Variants in LIFR observed in about 807,000 individuals in gnomAD.
The protein encoded by LIFR is LIF receptor subunit alpha, also known as leukemia inhibitory factor receptor.
Under a neutral mutation model 122.2 loss-of-function variants are expected in LIFR, and 84 were observed. The observed-to-expected ratio is 0.69, with a 90% CI of 0.58 to 0.82. LIFR has a LOEUF of 0.82. Ranked by LOEUF, LIFR falls within the 40% of genes least tolerant of loss-of-function variation. LIFR has a pLI of 0.00. For missense variants in LIFR, 1,294 were observed against 1,311.6 expected, an observed-to-expected ratio of 0.99 and a Z score of 0.21; for synonymous variants, 422 against 434.7, an observed-to-expected ratio of 0.97 and a Z score of 0.36.
chr5:38,499,029 C>T (rs565630176), intron 12 of LIFR, among the ~76,000 whole-genome samples: 1 of 152,040 alleles, frequency 6.6e-6, no homozygotes, highest in South Asian at 2.1e-4. Flanking sequence ...AAAAATGTTC[C>T]AGCAGAGAAA....
At position 38,528,791 on chromosome 5, in the gene LIFR, G is replaced by A; in HGVS notation, c.192C>T (p.Asn64=). 6.3e-7 allele frequency: 1 copy of A among 1,595,028 alleles called. No individual in the cohort carries two copies. The highest frequency in any genetic ancestry group is 1.1e-5 in the South Asian group (1 of 87,982). Residue 64 remains asparagine (N), a synonymous_variant, in exon 3 of 20, where the codon AAC becomes AAT. Transcript: ENST00000453190. Reference sequence around the variant, plus strand: ...TTCCAGAGGGTGCTTTCCAAGAACAGTTCCACACTTGCAAATTGTTAGTTA... The same window carrying A: ...TTCCAGAGGGTGCTTTCCAAGAACAATTCCACACTTGCAAATTGTTAGTTA... ...KCVTNNLQVW[N]CSWKAPSGTG...
At chr5:38,549,572 C>G (rs1267983316) in intron 1 of LIFR, among the ~76,000 whole-genome samples, 1 of 152,162 alleles carries the variant, frequency 6.6e-6, no homozygotes, top group African/African-American at 2.4e-5. Flanking sequence ...GCAGGCGGAT[C>G]ACGAGGTCAG....
upstream of LIFR, among the ~76,000 whole-genome samples, chr5:38,595,683 T>A (rs1175462802): frequency 1.3e-5 from 2 of 150,654 alleles, no homozygotes; most frequent in Non-Finnish European, 3.0e-5. Context: ...ATGGGGCCAA[T>A]CTAACCTTCT....
At chr5:38,584,590 C>T (rs1208922817) in intron 1 of LIFR, among the ~76,000 whole-genome samples, 1 of 151,964 alleles carries the variant, frequency 6.6e-6, no homozygotes, top group African/African-American at 2.4e-5. Flanking sequence ...GTACACTATG[C>T]TCCGTGAGTA....
intron 13 of LIFR, among the ~76,000 whole-genome samples, chr5:38,495,848 C>T (rs1744848037): frequency 6.6e-6 from 1 of 152,188 alleles, no homozygotes; most frequent in South Asian, 2.1e-4. Context: ...TTAAAAACTA[C>T]ACCACAGTTG....
At chr5:38,569,769 CTCTA>C (rs1478378527) in intron 1 of LIFR, among the ~76,000 whole-genome samples, 9 of 152,314 alleles carry the variant, frequency 5.9e-5, no homozygotes, top group East Asian at 1.9e-4. Context: ...TGTCTTTCCA[CTCTA>C]TCTATTAAAA....
intron 5 of LIFR, among the ~76,000 whole-genome samples, chr5:38,515,675 T>C (rs933783559): frequency 2.0e-5 from 3 of 151,712 alleles, no homozygotes; most frequent in Non-Finnish European, 4.4e-5. Flanking sequence ...TATCAAGAAA[T>C]AGCAACATAA....
At chr5:38,521,821 A>G (rs1278822838) in intron 5 of LIFR, among the ~76,000 whole-genome samples, 3 of 152,086 alleles carry the variant, frequency 2.0e-5, no homozygotes, top group Non-Finnish European at 4.4e-5. Flanking sequence ...CTGTGGTGGT[A>G]GCAGCAGGGT....
Position 38,493,500 on chromosome 5 carries a change from A to G in LIFR, c.2065+106T>C. The stretch of plus-strand genomic sequence containing the variant: ...CCTCCCAGGAAAGTCAAACCTATTT[A>G]TACCCATCCAGCAGTAAAGAGAATC... On this transcript the variant is annotated intron_variant, in intron 14 of 19. Coordinates refer to ENST00000453190, the MANE Select transcript of LIFR (RefSeq NM_001127671.2). 4 of 1,088,388 alleles carry G rather than the reference A, an allele frequency of 3.7e-6. No homozygotes were observed. In the South Asian group the frequency reaches 3.8e-5, roughly 10 times the overall value. 67.4% of individuals were successfully genotyped at this position (1,088,388 alleles called of 1,614,324 possible).
chr5:38,556,040 A>C (rs1322936990), intron 1 of LIFR, among the ~76,000 whole-genome samples: 5 of 152,192 alleles, frequency 3.3e-5, no homozygotes, highest in African/African-American at 1.2e-4. Flanking sequence ...TCCGAAGGAA[A>C]AACATTTCAA....
intron 1 of LIFR, chr5:38,608,042 C>T (rs1049607313): frequency 6.6e-6 from 1 of 152,034 alleles, no homozygotes; most frequent in Non-Finnish European, 1.5e-5. Context: ...AATATATACA[C>T]GTGAGATCAT....
intron 18 of LIFR, among the ~76,000 whole-genome samples, chr5:38,483,387 T>C (rs74773519): frequency 0.012 from 1,849 of 152,268 alleles, 35 homozygotes; most frequent in African/African-American, 0.042. Flanking sequence ...TTGTCTTTTT[T>C]TTCTTTTTTT....
chr5:38,553,713 C>T (rs868203036), intron 1 of LIFR, among the ~76,000 whole-genome samples: 1 of 135,802 alleles, frequency 7.4e-6, no homozygotes, highest in Non-Finnish European at 1.6e-5. Context: ...TGATAGCTTA[C>T]ACTAGTCCTA....
intron 1 of LIFR, among the ~76,000 whole-genome samples, chr5:38,592,377 G>T (rs1749947560): frequency 1.3e-5 from 2 of 152,134 alleles, no homozygotes; most frequent in Admixed American, 1.3e-4. Flanking sequence ...ATTATGTAAG[G>T]CTGGGCACAG....
intron 14 of LIFR, among the ~76,000 whole-genome samples, chr5:38,492,099 A>G (rs1744625135): frequency 6.6e-6 from 1 of 152,202 alleles, no homozygotes; most frequent in African/African-American, 2.4e-5. Flanking sequence ...CTGTTCCAGA[A>G]GCTCAGCAGT....
At chr5:38,483,422 TTG>T (rs944328000) in intron 18 of LIFR, among the ~76,000 whole-genome samples, 4 of 152,022 alleles carry the variant, frequency 2.6e-5, no homozygotes, top group Admixed American at 2.6e-4. Flanking sequence ...TGGGTTTTTT[TTG>T]TTTTTTTGGT....
At chr5:38,527,378 G>A in intron 3 of LIFR, 84 bp from the exon 4 acceptor site, 1 of 862,310 alleles carries the variant, frequency 1.2e-6, no homozygotes, top group East Asian at 2.7e-5. Context: ...AAAATACAAT[G>A]GAAAATACTT....
chr5:38,504,016 C>T lies in LIFR; in HGVS notation c.1397G>A (p.Cys466Tyr). 3 of 1,585,462 alleles carry T rather than the reference C, an allele frequency of 1.9e-6. No homozygotes were observed. The East Asian group carries it at 6.7e-5, about 36-fold the overall frequency. The change falls in exon 10 of 20, where the codon TGT (cysteine) becomes TAT (tyrosine). Residue 466 changes from cysteine to tyrosine, a missense_variant. By Grantham distance (194) the Cys-to-Tyr change is radical. Transcript: ENST00000453190. ...PGNFAKINFL[C>Y]EIEIKKSNSV... ...ATTAGATTTCTTAATTTCAATTTCACATAAAAAATTAATCTTTGCAAAGTT... is the reference window on the plus strand; with the variant it reads ...ATTAGATTTCTTAATTTCAATTTCATATAAAAAATTAATCTTTGCAAAGTT...
chr5:38,578,957 A>G (rs1458657710), intron 1 of LIFR, among the ~76,000 whole-genome samples: 1 of 152,196 alleles, frequency 6.6e-6, no homozygotes. Flanking sequence ...ACACTTCCTC[A>G]TTTAGACAAT....
Sources: gnomAD v4.1 joint callset for allele counts (sites outside exome capture counted in the v4.1 genomes callset) on GRCh38, gnomAD v4.1.1 for gene constraint, MANE v1.5 for transcripts, NCBI Gene and HGNC (gene_info 2026-07-23, HGNC 2026-07-21) for gene names.